The following SRPK1 variants were observed in gnomAD, a reference collection of about 807,000 sequenced individuals.
SRPK1 encodes SFRS protein kinase 1.
Under a neutral mutation model 89.5 loss-of-function variants are expected in SRPK1, and 52 were observed. The ratio of observed to expected loss-of-function variants is 0.58; its 90% CI spans 0.46 to 0.73. The LOEUF is 0.73. Among genes scored for constraint, SRPK1 ranks in the 30% least tolerant of loss-of-function variants. The probability of loss-of-function intolerance (pLI) is 0.00; values close to 1 mark genes in which losing one functional copy is unlikely to be tolerated. For missense variants in SRPK1, 603 were observed against 780.6 expected (o/e 0.77, Z 2.71); for synonymous variants, 255 against 270.2 (o/e 0.94, Z 0.55).
intron 7 of SRPK1, among the ~76,000 whole-genome samples, chr6:35,873,164 C>T (rs1215760812): frequency 6.6e-6 from 1 of 152,130 alleles, no homozygotes; most frequent in Non-Finnish European, 1.5e-5. Context: ...CAAATTTTTG[C>T]ACCTTGAAGT....
intron 12 of SRPK1, among the ~76,000 whole-genome samples, chr6:35,867,328 G>A (rs1480463904): frequency 6.6e-6 from 1 of 152,104 alleles, no homozygotes; most frequent in Non-Finnish European, 1.5e-5. Context: ...TTGGAAAGCT[G>A]CTCCACATTC....
At chr6:35,909,943 T>A (rs1406746157) in intron 2 of SRPK1, among the ~76,000 whole-genome samples, 3 of 152,198 alleles carry the variant, frequency 2.0e-5, no homozygotes, top group African/African-American at 7.2e-5. Flanking sequence ...CAGGTAATAT[T>A]CTTTACAGCA....
At position 35,882,348 on chromosome 6, in the gene SRPK1, G is replaced by C. The variant is rs538406539; in HGVS notation, c.478+4376C>G. ...ATCTTTTTGTCAGAGAATGCATCTTGTTGTGCCACCCACACTGGAGTACAG... is the reference window on the plus strand; with the variant it reads ...ATCTTTTTGTCAGAGAATGCATCTTCTTGTGCCACCCACACTGGAGTACAG... On this transcript the variant is annotated intron_variant, in intron 6 of 15. Transcript: ENST00000373825. 2.6e-5 allele frequency among the ~76,000 whole-genome samples: 4 copies of C among 151,126 alleles called. 1 individual carries two copies. The South Asian group carries it at 8.3e-4, about 31-fold the overall frequency.
intron 4 of SRPK1, 115 bp downstream of exon 4, chr6:35,888,700 T>C (rs932092336): frequency 5.1e-5 from 36 of 704,616 alleles, no homozygotes; most frequent in Non-Finnish European, 7.6e-5. Context: ...ACAACAAAAT[T>C]CTGATAAATG....
intron 6 of SRPK1, among the ~76,000 whole-genome samples, chr6:35,878,230 T>C (rs1305421371): frequency 2.6e-5 from 4 of 152,202 alleles, no homozygotes; most frequent in Non-Finnish European, 4.4e-5. Context: ...TTAGGGCTTC[T>C]TAGAGAAAAA....
At chr6:35,870,587 A>C (rs1770011873) in intron 9 of SRPK1, 93 bp from the exon 10 acceptor site, 3 of 1,167,770 alleles carry the variant, frequency 2.6e-6, no homozygotes, top group African/African-American at 3.1e-5. Context: ...CTTCCTAATT[A>C]AATTTCACAA....
intron 13 of SRPK1, among the ~76,000 whole-genome samples, chr6:35,844,252 C>T (rs368981835): frequency 3.0e-4 from 45 of 152,206 alleles, no homozygotes; most frequent in African/African-American, 1.0e-3. Flanking sequence ...ATCCGCCTGC[C>T]TCGGCCTCCC....
At chr6:35,862,608 T>C (rs1769802895) in intron 12 of SRPK1, among the ~76,000 whole-genome samples, 1 of 151,804 alleles carries the variant, frequency 6.6e-6, no homozygotes, top group Non-Finnish European at 1.5e-5. Flanking sequence ...ACAGAAAACA[T>C]AAATAAACAA....
intron 2 of SRPK1, among the ~76,000 whole-genome samples, chr6:35,910,548 G>A (rs1016578811): frequency 2.0e-5 from 3 of 152,206 alleles, no homozygotes; most frequent in African/African-American, 7.2e-5. Flanking sequence ...AAGTTACCTA[G>A]ATGCTAAGAT....
intron 13 of SRPK1, 30 bp from the exon 14 acceptor site, chr6:35,842,634 G>T: frequency 6.5e-7 from 1 of 1,549,328 alleles, no homozygotes; most frequent in Non-Finnish European, 8.7e-7. Flanking sequence ...GTATATGAAA[G>T]CACAAAAGAA....
chr6:35,890,517 C>T (rs1293159267), intron 3 of SRPK1, among the ~76,000 whole-genome samples: 1 of 152,198 alleles, frequency 6.6e-6, no homozygotes, highest in Non-Finnish European at 1.5e-5. Context: ...TTTAACTTAA[C>T]AGCCATCACT....
chr6:35,911,172 A>C (rs1175353264), intron 2 of SRPK1, among the ~76,000 whole-genome samples: 1 of 152,254 alleles, frequency 6.6e-6, no homozygotes, highest in African/African-American at 2.4e-5. Context: ...AGGATTCACG[A>C]TTCTATATGC....
In SRPK1 at chr6:35,890,938, T is replaced by C. The variant is rs1770505314; in HGVS notation, c.150A>G (p.Gly50=). The part of the protein sequence containing the change: ...DLPEQEEEIL[G]SDDDEQEDPN... ...GATCTTCTTGCTCATCATCATCAGA[T>C]CCCAGAATCTCCTCTTCCTGCTCTG... Residue 50 remains glycine (G), a synonymous_variant, in exon 3 of 16, where the codon GGA becomes GGG. Transcript: ENST00000373825. The C allele has an allele frequency of 6.4e-7, 1 of 1,554,314 alleles. No homozygotes were observed. Among genetic ancestry groups the C allele is most frequent in the Non-Finnish European group, 8.7e-7 (1 of 1,147,924 alleles).
chr6:35,888,945 C>T (rs1770463831), intron 3 of SRPK1, 22 bp from the exon 4 acceptor site: 5 of 1,515,108 alleles, frequency 3.3e-6, no homozygotes, highest in African/African-American at 1.4e-5. Context: ...AGGGGAAATA[C>T]AATCAGAAAA....
chr6:35,919,292 C>T (rs1048300741), intron 2 of SRPK1, among the ~76,000 whole-genome samples: 1 of 152,148 alleles, frequency 6.6e-6, no homozygotes, highest in Non-Finnish European at 1.5e-5. Context: ...TCACCTACCA[C>T]TTTAGTTCTA....
intron 13 of SRPK1, among the ~76,000 whole-genome samples, chr6:35,843,351 T>C (rs561179547): frequency 6.6e-6 from 1 of 151,416 alleles, no homozygotes; most frequent in African/African-American, 2.4e-5. Flanking sequence ...AAAAAAAAAT[T>C]CAGACTTCTA....
intron 2 of SRPK1, among the ~76,000 whole-genome samples, chr6:35,917,471 G>A (rs1307418567): frequency 6.6e-6 from 1 of 152,162 alleles, no homozygotes; most frequent in Non-Finnish European, 1.5e-5. Context: ...TCACCAACTA[G>A]TTAATGTTAG....
chr6:35,893,693 C>A (rs1216783198), intron 2 of SRPK1, among the ~76,000 whole-genome samples: 1 of 152,104 alleles, frequency 6.6e-6, no homozygotes, highest in East Asian at 1.9e-4. Flanking sequence ...TTCTGGCATT[C>A]AGTGGGACCA....
At position 35,920,584 on chromosome 6, in the gene SRPK1, G is replaced by A. The variant is rs2127274454; in HGVS notation, c.14-56C>T. ...ATGTGGAGGAAAGGAGGCGACCAAG[G>A]TGAGGGTGGAGACCCAGCAGGGGCG... is the stretch of plus-strand genomic sequence containing the variant. On this transcript the variant is annotated intron_variant, in intron 1 of 15. Coordinates refer to ENST00000373825, the MANE Select transcript of SRPK1 (RefSeq NM_003137.5). 4 of 1,575,726 alleles carry A rather than the reference G, an allele frequency of 2.5e-6. No individual in the cohort carries two copies. The East Asian group carries it at 6.9e-5, about 27-fold the overall frequency.
Sources: gnomAD v4.1 joint callset for allele counts (sites outside exome capture counted in the v4.1 genomes callset) on GRCh38, gnomAD v4.1.1 for gene constraint, MANE v1.5 for transcripts, NCBI Gene and HGNC (gene_info 2026-07-23, HGNC 2026-07-21) for gene names.